Variants in N4BP2L2 observed in about 807,000 individuals in gnomAD.
The protein encoded by N4BP2L2 is NEDD4-binding protein 2-like 2.
In N4BP2L2, 50 loss-of-function variants were observed where a neutral mutation model predicts 56.2. The observed-to-expected ratio is 0.89, with a 90% CI of 0.71 to 1.13. N4BP2L2 has a LOEUF of 1.13. Among genes scored for constraint, N4BP2L2 ranks in the 50% most tolerant of loss-of-function variants. The pLI is 0.00. For synonymous variants in N4BP2L2, 203 were observed against 223.6 expected (o/e 0.91, Z 0.82); for missense variants, 689 against 693.8 (o/e 0.99, Z 0.08).
intron 6 of N4BP2L2, among the ~76,000 whole-genome samples, chr13:32,490,296 G>T (rs1037204373): frequency 1.3e-5 from 2 of 151,872 alleles, no homozygotes; most frequent in Non-Finnish European, 2.9e-5. Context: ...CTACTGTTTT[G>T]TTTTTTTGTT....
At position 32,502,685 on chromosome 13, in the gene N4BP2L2, A is replaced by T. The variant is rs2090223025; in HGVS notation, c.365+15172T>A. ...TTAACTTCGAATTCTGCAATTTCAA[A>T]CTCTGTGTTGTACTAAATTAGCGGT... On this transcript the variant is annotated intron_variant, in intron 6 of 9. Coordinates refer to the N4BP2L2 transcript ENST00000357505. Among the ~76,000 whole-genome samples, 4 of 152,118 alleles carry T rather than the reference A, an allele frequency of 2.6e-5. No individual in the cohort carries two copies. In the South Asian group the frequency reaches 8.3e-4, roughly 32 times the overall value.
chr13:32,521,812 C>T (rs1280134185), intron 4 of N4BP2L2: 2 of 262,972 alleles, frequency 7.6e-6, no homozygotes, highest in Non-Finnish European at 1.4e-5. Context: ...CCTGTCTCTA[C>T]TAAAAATACA....
intron 6 of N4BP2L2, among the ~76,000 whole-genome samples, chr13:32,450,111 ACATATAATATCTATAGAAATTAACTAGGC>A (rs1173492571): frequency 6.6e-6 from 1 of 152,228 alleles, no homozygotes; most frequent in Non-Finnish European, 1.5e-5. Flanking sequence ...TTTCATGCTC[ACATATAATATCTATAGAAATTAACTAGGC>A]CATAAAGCTA....
intron 6 of N4BP2L2, among the ~76,000 whole-genome samples, chr13:32,460,055 C>CATAT (rs2079745345): frequency 6.6e-6 from 1 of 152,110 alleles, no homozygotes; most frequent in African/African-American, 2.4e-5. Context: ...AGGACAAAAC[C>CATAT]ATATGATCAT....
chr13:32,487,514 T>C (rs1170422816), intron 6 of N4BP2L2, among the ~76,000 whole-genome samples: 1 of 134,668 alleles, frequency 7.4e-6, no homozygotes, highest in Non-Finnish European at 1.6e-5. Context: ...AAGTAGAAGA[T>C]AAAATATTCA....
rs755140588 is a variant in N4BP2L2, at chr13:32,443,916, G to T, written c.576C>A (p.Phe192Leu). ...CGACTTCATTTTGTAGACCATCAAT[G>T]AAGGGATATTCTGATTCTCTTCTGG... The change falls in exon 7 of 10, where the codon TTC (phenylalanine) becomes TTA (leucine). Residue 192 changes from phenylalanine to leucine, a missense_variant. Transcript: ENST00000357505. 5.7e-6 allele frequency: 9 copies of T among 1,580,372 alleles called. No homozygotes were observed. In the South Asian group the frequency reaches 1.1e-4, roughly 19 times the overall value.
chr13:32,492,094 GA>G (rs2087238357), intron 6 of N4BP2L2, among the ~76,000 whole-genome samples: 1 of 151,988 alleles, frequency 6.6e-6, no homozygotes, highest in Non-Finnish European at 1.5e-5. Context: ...ATGACTTTCT[GA>G]AAACTATCAG....
At chr13:32,536,216 A>C (rs746347657) in exon 2 of N4BP2L2, 1 of 1,613,842 alleles carries the variant, frequency 6.2e-7, no homozygotes, top group East Asian at 2.2e-5. Context: ...AAAAGGATAT[A>C]CTGACTGCCA....
At chr13:32,509,649 T>C (rs189156039), downstream of N4BP2L2, among the ~76,000 whole-genome samples, 157 of 152,336 alleles carry the variant, frequency 1.0e-3, 1 homozygote, top group South Asian at 2.1e-3. Context: ...AATTTACTTA[T>C]ATTCTAGATA....
intron 6 of N4BP2L2, among the ~76,000 whole-genome samples, chr13:32,489,234 C>A (rs567476648): frequency 1.3e-5 from 2 of 152,198 alleles, no homozygotes; most frequent in African/African-American, 4.8e-5. Flanking sequence ...TCATCAGCTA[C>A]GAATTAGAAT....
exon 7 of N4BP2L2, chr13:32,443,408 G>A: frequency 3.1e-6 from 5 of 1,614,022 alleles, no homozygotes; most frequent in Non-Finnish European, 3.4e-6. Context: ...TCAGAGCCCA[G>A]CTGTAAATCT....
intron 6 of N4BP2L2, among the ~76,000 whole-genome samples, chr13:32,461,974 C>G (rs940047992): frequency 2.2e-4 from 34 of 152,166 alleles, no homozygotes; most frequent in African/African-American, 8.0e-4. Flanking sequence ...GAAAAAGGAA[C>G]TCTCATACAC....
intron 3 of N4BP2L2, chr13:32,523,980 A>T (rs1486876964): frequency 2.0e-5 from 3 of 152,198 alleles, no homozygotes; most frequent in Admixed American, 2.0e-4. Flanking sequence ...CCTGAAGCAA[A>T]ATGCAAAGAT....
intron 4 of N4BP2L2, 100 bp from the exon 5 acceptor site, chr13:32,521,549 T>C: frequency 1.4e-6 from 1 of 729,654 alleles, no homozygotes; most frequent in South Asian, 1.8e-5. Flanking sequence ...ACTATACACT[T>C]GCTCGACCAA....
At chr13:32,495,769 C>T (rs190816238) in intron 6 of N4BP2L2, among the ~76,000 whole-genome samples, 244 of 152,200 alleles carry the variant, frequency 1.6e-3, no homozygotes, top group East Asian at 0.011. Flanking sequence ...TTGCAACCTC[C>T]GCCTCCTGGG....
At chr13:32,460,149 C>T (rs113890169) in intron 6 of N4BP2L2, among the ~76,000 whole-genome samples, 6,932 of 152,176 alleles carry the variant, frequency 0.046, 511 homozygotes, top group African/African-American at 0.16. Context: ...ACAGAAGGAA[C>T]ATACTTCAAC....
chr13:32,519,537 G>T (rs539883911), intron 5 of N4BP2L2, among the ~76,000 whole-genome samples: 6 of 152,052 alleles, frequency 3.9e-5, no homozygotes, highest in Non-Finnish European at 8.8e-5. Flanking sequence ...GTGCCTGTAT[G>T]CCCAGCTACT....
At chr13:32,478,513 G>T in intron 6 of N4BP2L2, 1 of 155,452 alleles carries the variant, frequency 6.4e-6, no homozygotes, top group Non-Finnish European at 1.4e-5. Flanking sequence ...CAGAAGCTAC[G>T]GGAGAAAAAT....
At chr13:32,510,359 ATTAAT>A (rs1372352890) in exon 6 of N4BP2L2, 30 of 152,254 alleles carry the variant, frequency 2.0e-4, no homozygotes, top group African/African-American at 7.0e-4. Flanking sequence ...AAATATTAAA[ATTAAT>A]TTAAAGCCTT....
Sources: allele counts gnomAD v4.1 joint callset (sites outside exome capture counted in the v4.1 genomes callset), GRCh38; gene constraint gnomAD v4.1.1; transcripts MANE v1.5; gene names NCBI Gene and HGNC (gene_info 2026-07-23, HGNC 2026-07-21).